PANX3: variants seen among roughly 807,000 people sequenced by gnomAD.
PANX3 encodes pannexin-3.
Under a neutral mutation model 31.5 loss-of-function variants are expected in PANX3, and 18 were observed. The observed-to-expected ratio is 0.57, with a 90% confidence interval of 0.39 to 0.85. PANX3 has a LOEUF of 0.85. PANX3 is among the 40% of genes least tolerant of loss of function. The probability of loss-of-function intolerance (pLI) is 0.00; values close to 1 mark genes in which losing one functional copy is unlikely to be tolerated. For missense variants in PANX3, 426 were observed against 485.4 expected, an observed-to-expected ratio of 0.88 and a Z score of 1.15; for synonymous variants, 194 against 201.6, an observed-to-expected ratio of 0.96 and a Z score of 0.32.
chr11:124,612,208 G>T (rs1773433370), intron 1 of PANX3, among the ~76,000 whole-genome samples: 1 of 152,126 alleles, frequency 6.6e-6, no homozygotes, highest in Admixed American at 6.5e-5. Context: ...GTGCCTGAGG[G>T]CCATGCACAT....
chr11:124,619,262 C>T, intron 3 of PANX3, 34 bp from the exon 4 acceptor site: 1 of 1,590,916 alleles, frequency 6.3e-7, no homozygotes, highest in Non-Finnish European at 8.6e-7. Flanking sequence ...TAAATGGTCA[C>T]TACTAACCTT....
chr11:124,618,412 A>T (rs148459804), intron 3 of PANX3, among the ~76,000 whole-genome samples: 63 of 152,298 alleles, frequency 4.1e-4, no homozygotes, highest in African/African-American at 1.4e-3. Context: ...GTTTGTGTCC[A>T]CTATTTTAGC....
intron 3 of PANX3, among the ~76,000 whole-genome samples, chr11:124,618,675 C>G (rs1419633031): frequency 2.6e-5 from 4 of 152,194 alleles, no homozygotes; most frequent in African/African-American, 9.7e-5. Flanking sequence ...GACAGGGTCT[C>G]ACTCTGTTGC....
At chr11:124,619,169 A>G in intron 3 of PANX3, 127 bp from the exon 4 acceptor site, 1 of 1,003,342 alleles carries the variant, frequency 1.0e-6, no homozygotes, top group Non-Finnish European at 1.5e-6. Flanking sequence ...ATGCTCGGGA[A>G]GACAGATTTT....
In PANX3 at chr11:124,616,552, C is replaced by A. The variant is rs976070635; in HGVS notation, c.325-722C>A. Among the ~76,000 whole-genome samples, 1 of 152,150 alleles carries A rather than the reference C, an allele frequency of 6.6e-6. No homozygotes were observed. The highest frequency in any genetic ancestry group is 1.5e-5 in the Non-Finnish European group (1 of 68,022). On this transcript the variant is annotated intron_variant, in intron 2 of 3. Transcript: ENST00000284288. This position sits in a 1 kb window ranked among gnomAD's most constrained non-coding sequence, Gnocchi z 4.8. ...GAATGGAGGGAGGTGGACATGGACA[C>A]AATTCAACCCATATCAGTCCCTTAT...
chr11:124,619,669 T>C lies in PANX3; in HGVS notation c.913T>C (p.Tyr305His). The C allele has an allele frequency of 6.2e-7, 1 of 1,614,224 alleles. No individual in the cohort carries two copies. The highest frequency in any genetic ancestry group is 8.5e-7 in the Non-Finnish European group (1 of 1,180,042). ...GTGGGACAAACGACTTTTATCTGTC[T>C]ATGAGATGCTCCCAGCTTTTGATCT... ...CRWDKRLLSV[Y>H]EMLPAFDLLS... is the part of the protein sequence containing the mutation. Residue 305 changes from tyrosine (Y) to histidine (H), a missense_variant, in exon 4 of 4, where the codon TAT becomes CAT. Physicochemically the swap from Tyr to His is moderately conservative, Grantham distance 83. Coordinates refer to ENST00000284288, the MANE Select transcript of PANX3 (RefSeq NM_052959.3).
chr11:124,613,019 T>C lies in PANX3; in HGVS notation c.221T>C (p.Ile74Thr). Residue 74 changes from isoleucine (I) to threonine (T), a missense_variant, in exon 2 of 4, where the codon ATC (isoleucine) becomes ACC (threonine). Coordinates refer to ENST00000284288, the MANE Select transcript of PANX3 (RefSeq NM_052959.3). ...ISCFSPSNFS[I>T]RQAAYVDSSC... ...TGCTTCTCTCCCAGTAACTTCAGCA[T>C]CCGGCAGGCAGCCTACGTGGACAGC... 6.2e-7 allele frequency: 1 copy of C among 1,614,140 alleles called. No homozygotes were observed. The highest frequency in any genetic ancestry group is 8.5e-7 in the Non-Finnish European group (1 of 1,180,016).
chr11:124,613,593 A>G (rs898871412), intron 2 of PANX3, among the ~76,000 whole-genome samples: 1 of 152,106 alleles, frequency 6.6e-6, no homozygotes, highest in Admixed American at 6.5e-5. Context: ...GCCTCAATGG[A>G]CCCAAGAGCA....
At chr11:124,619,251 C>A in intron 3 of PANX3, 45 bp from the exon 4 acceptor site, 1 of 1,566,408 alleles carries the variant, frequency 6.4e-7, no homozygotes, top group Non-Finnish European at 8.7e-7. Context: ...GAGTATGGTT[C>A]TAAATGGTCA....
intron 2 of PANX3, 56 bp from the exon 3 acceptor site, chr11:124,617,218 G>A: frequency 7.3e-7 from 1 of 1,373,772 alleles, no homozygotes. Context: ...AGTCAGCACT[G>A]TCACTCGGGG....
At chr11:124,612,582 T>C (rs1032150948) in intron 1 of PANX3, among the ~76,000 whole-genome samples, 9 of 152,184 alleles carry the variant, frequency 5.9e-5, no homozygotes, top group African/African-American at 2.2e-4. Flanking sequence ...GCCCACCCTT[T>C]CTCTTCATTT....
At chr11:124,617,216 C>T in intron 2 of PANX3, 58 bp from the exon 3 acceptor site, 1 of 1,358,574 alleles carries the variant, frequency 7.4e-7, no homozygotes, top group Non-Finnish European at 1.0e-6. Context: ...TCAGTCAGCA[C>T]TGTCACTCGG....
rs1230570921 is a variant in PANX3 at position 124,619,299 on chromosome 11, T to C, written c.543T>C (p.Ala181=). ...PYVFWNELEK[A]RKERYFEFPL... is the part of the protein sequence containing the mutation. ...CCTCCTTCCTTCCACTGCCCAGGGC[T>C]CGGAAAGAACGATACTTTGAATTCC... The change falls in exon 4 of 4, where the codon GCT becomes GCC. Residue 181 remains alanine (A), a synonymous_variant. Transcript: ENST00000284288. The C allele has an allele frequency of 6.8e-6, 11 of 1,610,750 alleles. No homozygotes were observed. The highest frequency in any genetic ancestry group is 9.3e-6 in the Non-Finnish European group (11 of 1,178,728).
At position 124,617,485 on chromosome 11, in the gene PANX3, A is replaced by G. The variant is rs771052431; in HGVS notation, c.536A>G (p.Glu179Gly). ...CCCTATGTGTTCTGGAATGAGCTGGAGAAGTGAGTTGTCTCTTCCACCTTT... is the reference window on the plus strand; with the variant it reads ...CCCTATGTGTTCTGGAATGAGCTGGGGAAGTGAGTTGTCTCTTCCACCTTT... ...SDPYVFWNEL[E>G]KARKERYFEF... Residue 179 changes from glutamate (E) to glycine (G), a missense_variant, in exon 3 of 4, where the codon GAG (glutamate) becomes GGG (glycine). By Grantham distance (98) the Glu-to-Gly change is moderately conservative. Transcript: ENST00000284288. The G allele has an allele frequency of 2.5e-6, 4 of 1,614,130 alleles. No homozygotes were observed. The South Asian group carries it at 4.4e-5, about 18-fold the overall frequency.
chr11:124,619,620 A>C lies in PANX3; in HGVS notation c.864A>C (p.Ile288=). 2 of 1,614,194 alleles carry C rather than the reference A, an allele frequency of 1.2e-6. No individual in the cohort carries two copies. The highest frequency in any genetic ancestry group is 1.1e-5 in the South Asian group (1 of 91,082). The change falls in exon 4 of 4, where the codon ATA becomes ATC. Residue 288 remains isoleucine (I), a synonymous_variant. Coordinates refer to ENST00000284288, the MANE Select transcript of PANX3 (RefSeq NM_052959.3). ...ACACCATATTGGTTCCAGTGATAAT[A>C]TACAACCTCACACGGCTATGTCGGT... ...AIYTILVPVI[I]YNLTRLCRWD...
rs150215766 is a variant in PANX3, at chr11:124,613,055, A to T, written c.257A>T (p.Asp86Val). The change falls in exon 2 of 4, where the codon GAC becomes GTC. Residue 86 changes from aspartate to valine, a missense_variant. By Grantham distance (152) the Asp-to-Val change is radical. Coordinates refer to ENST00000284288, the MANE Select transcript of PANX3 (RefSeq NM_052959.3). ...GCCTACGTGGACAGCTCCTGCTGGGACTCACTGCTTCACCATAAGCAGGAC... is the reference window on the plus strand; with the variant it reads ...GCCTACGTGGACAGCTCCTGCTGGGTCTCACTGCTTCACCATAAGCAGGAC... ...QAAYVDSSCWDSLLHHKQDGP... is the reference protein window; with the variant it reads ...QAAYVDSSCWVSLLHHKQDGP... The T allele has an allele frequency of 3.1e-6, 5 of 1,614,060 alleles. No individual in the cohort carries two copies. Among genetic ancestry groups the T allele is most frequent in the Non-Finnish European group, 4.2e-6 (5 of 1,180,010 alleles).
chr11:124,617,579 C>A, intron 3 of PANX3, 91 bp downstream of exon 3: 1 of 1,309,746 alleles, frequency 7.6e-7, no homozygotes, highest in Non-Finnish European at 1.1e-6. Flanking sequence ...TCTTCCATGC[C>A]ATCCTTCTCA....
chr11:124,611,962 A>AG (rs2134309020), intron 1 of PANX3, among the ~76,000 whole-genome samples: 1 of 152,208 alleles, frequency 6.6e-6, no homozygotes, highest in African/African-American at 2.4e-5. Flanking sequence ...AAAAAAAAAA[A>AG]AAAAAAAAAA....
intron 1 of PANX3, 39 bp downstream of exon 1, chr11:124,611,776 C>T (rs1302032070): frequency 1.9e-6 from 3 of 1,580,814 alleles, no homozygotes; most frequent in Non-Finnish European, 2.6e-6. Flanking sequence ...AGAGAGACTC[C>T]CCCTCATGTC....
Sources: allele counts gnomAD v4.1 joint callset (sites outside exome capture counted in the v4.1 genomes callset), GRCh38; gene constraint gnomAD v4.1.1; non-coding constraint Gnocchi (gnomAD v3.1); transcripts MANE v1.5; gene names NCBI Gene and HGNC (gene_info 2026-07-23, HGNC 2026-07-21).